Variants in CNTN5 observed in about 807,000 individuals in gnomAD.
CNTN5 encodes the protein contactin 5.
In CNTN5, 77 loss-of-function variants were observed where a neutral mutation model predicts 129.1. The ratio of observed to expected loss-of-function variants is 0.60; its 90% CI spans 0.50 to 0.72. The LOEUF (loss-of-function observed/expected upper bound fraction) is 0.72, where lower values mean the gene tolerates loss of function less well. Among genes scored for constraint, CNTN5 ranks in the 30% least tolerant of loss-of-function variants. CNTN5 has a pLI of 0.00. For missense variants in CNTN5, 1,478 were observed against 1,328.8 expected (o/e 1.11, Z -1.75); for synonymous variants, 509 against 465.6 (o/e 1.09, Z -1.20).
At chr11:100,318,098 G>A (rs1023423362) in intron 21 of CNTN5, among the ~76,000 whole-genome samples, 1 of 151,810 alleles carries the variant, frequency 6.6e-6, no homozygotes, top group Admixed American at 6.6e-5. Context: ...AAAATTAGCC[G>A]GGCGCGGTGG....
At chr11:99,545,723 AT>A (rs1291632068) in intron 2 of CNTN5, among the ~76,000 whole-genome samples, 16 of 152,204 alleles carry the variant, frequency 1.1e-4, no homozygotes, top group African/African-American at 3.1e-4. Context: ...GTTGAAAACT[AT>A]TTAAGTCAGA....
chr11:99,614,337 G>A (rs1420102998), intron 3 of CNTN5, among the ~76,000 whole-genome samples: 1 of 152,164 alleles, frequency 6.6e-6, no homozygotes, highest in Non-Finnish European at 1.5e-5. Context: ...CCAGAGTAAA[G>A]GGAAAAATAA....
At chr11:100,148,607 G>T (rs1329137947) in intron 13 of CNTN5, among the ~76,000 whole-genome samples, 1 of 152,112 alleles carries the variant, frequency 6.6e-6, no homozygotes, top group Non-Finnish European at 1.5e-5. Context: ...TGCCCTGTTG[G>T]CCTCTTTGGT....
intron 3 of CNTN5, among the ~76,000 whole-genome samples, chr11:99,568,208 C>T (rs1167453185): frequency 6.6e-6 from 1 of 152,158 alleles, no homozygotes; most frequent in East Asian, 1.9e-4. Flanking sequence ...ATCATCTCTT[C>T]TTTAAACTGG....
At chr11:99,093,874 G>A (rs1866358982) in intron 1 of CNTN5, among the ~76,000 whole-genome samples, 1 of 151,922 alleles carries the variant, frequency 6.6e-6, no homozygotes, top group African/African-American at 2.4e-5. Flanking sequence ...CTAAATCTCT[G>A]ACTTTCAAAT....
chr11:99,179,248 C>T (rs1284614600), intron 1 of CNTN5, among the ~76,000 whole-genome samples: 1 of 152,048 alleles, frequency 6.6e-6, no homozygotes, highest in Non-Finnish European at 1.5e-5. Flanking sequence ...TTCAGACCAG[C>T]CTGGCCAACA....
chr11:99,841,204 C>T (rs972142385), intron 4 of CNTN5, among the ~76,000 whole-genome samples: 1 of 152,126 alleles, frequency 6.6e-6, no homozygotes, highest in African/African-American at 2.4e-5. Flanking sequence ...GCTTTGGGAA[C>T]TAACAATGAA....
At chr11:99,270,470 T>G (rs2135854628) in intron 1 of CNTN5, among the ~76,000 whole-genome samples, 1 of 151,950 alleles carries the variant, frequency 6.6e-6, no homozygotes, top group East Asian at 1.9e-4. Context: ...TCGGGAACAG[T>G]ATTTTTGGTC....
intron 1 of CNTN5, among the ~76,000 whole-genome samples, chr11:99,060,829 C>T (rs1377883624): frequency 6.6e-6 from 1 of 152,070 alleles, no homozygotes; most frequent in Non-Finnish European, 1.5e-5. Context: ...CTCAAAAGCT[C>T]TTCAAAGTGA....
chr11:99,716,825 T>G (rs1475402679), intron 3 of CNTN5, among the ~76,000 whole-genome samples: 1 of 152,104 alleles, frequency 6.6e-6, no homozygotes, highest in Non-Finnish European at 1.5e-5. Context: ...TTTTGGATAG[T>G]CATTCATTCA....
intron 8 of CNTN5, among the ~76,000 whole-genome samples, chr11:99,968,075 C>A (rs776330342): frequency 6.6e-6 from 1 of 152,022 alleles, no homozygotes. Context: ...GCAAAATTCA[C>A]CATGTACACA....
intron 9 of CNTN5, among the ~76,000 whole-genome samples, chr11:100,050,254 A>G (rs1264729651): frequency 6.6e-6 from 1 of 152,248 alleles, no homozygotes; most frequent in Admixed American, 6.5e-5. Flanking sequence ...GACTGGATTA[A>G]GAAAATGTGG....
At chr11:99,822,354 C>G (rs1037187523) in intron 4 of CNTN5, among the ~76,000 whole-genome samples, 2 of 152,064 alleles carry the variant, frequency 1.3e-5, no homozygotes, top group African/African-American at 4.8e-5. Context: ...AAACAGATGT[C>G]CATCAGAAGG....
rs17133019 is a variant in CNTN5 at position 99,109,796 on chromosome 11, C to G, written c.-210+88526C>G. 2.3e-3 allele frequency among the ~76,000 whole-genome samples: 346 copies of G among 152,092 alleles called. 1 individual carries two copies. The highest frequency in any genetic ancestry group is 8.0e-3 in the African/African-American group (332 of 41,514). ...AAGTGACCATAAACAATTCCTTTTT[C>G]TTTTCAGTCATAGCAAAACCTCTAT... On this transcript the variant is annotated intron_variant, in intron 1 of 24. Transcript: ENST00000524871.
intron 18 of CNTN5, among the ~76,000 whole-genome samples, chr11:100,275,721 T>C (rs748525616): frequency 6.6e-6 from 1 of 152,216 alleles, no homozygotes; most frequent in Non-Finnish European, 1.5e-5. Context: ...TGACATACTT[T>C]AGTCCATTAA....
chr11:100,043,526 A>G (rs1942485256), intron 9 of CNTN5, among the ~76,000 whole-genome samples: 1 of 152,188 alleles, frequency 6.6e-6, no homozygotes, highest in Non-Finnish European at 1.5e-5. Context: ...TTTGAAGGGA[A>G]AACCTGCACT....
At chr11:99,763,075 C>A (rs1353676249) in intron 3 of CNTN5, among the ~76,000 whole-genome samples, 1 of 152,108 alleles carries the variant, frequency 6.6e-6, no homozygotes, top group African/African-American at 2.4e-5. Flanking sequence ...TTCCATCTCT[C>A]TGTATCAAAA....
intron 21 of CNTN5, among the ~76,000 whole-genome samples, chr11:100,319,017 C>T (rs11223622): frequency 0.015 from 2,244 of 152,206 alleles, 27 homozygotes; most frequent in Non-Finnish European, 0.022. Context: ...AGTAAATACA[C>T]TTGTCTAACC....
intron 13 of CNTN5, among the ~76,000 whole-genome samples, chr11:100,089,939 G>T (rs1047865360): frequency 1.3e-5 from 2 of 152,062 alleles, no homozygotes; most frequent in African/African-American, 4.8e-5. Context: ...GCTAATGCAT[G>T]CTGGGTTTAA....
Sources: gnomAD v4.1 joint callset for allele counts (sites outside exome capture counted in the v4.1 genomes callset) on GRCh38, gnomAD v4.1.1 for gene constraint, MANE v1.5 for transcripts, NCBI Gene and HGNC (gene_info 2026-07-23, HGNC 2026-07-21) for gene names.